The following COG6 variants were observed in gnomAD, a reference collection of about 807,000 sequenced individuals.
COG6 encodes conserved oligomeric Golgi complex subunit 6.
COG6 carries 74 observed loss-of-function variants against 88.8 expected under a neutral mutation model. The ratio of observed to expected loss-of-function variants is 0.83; its 90% CI spans 0.69 to 1.01. The LOEUF is 1.01. Ranked by LOEUF, COG6 falls within the 50% of genes least tolerant of loss-of-function variation. COG6 has a pLI of 0.00. For synonymous variants in COG6, 286 were observed against 278.7 expected (o/e 1.03, Z -0.26); for missense variants, 800 against 797.9 (o/e 1.00, Z -0.03).
At chr13:39,689,654 G>A (rs1321831262) in intron 10 of COG6, 106 bp from the exon 11 acceptor site, 3 of 699,776 alleles carry the variant, frequency 4.3e-6, no homozygotes, top group South Asian at 1.8e-5. Context: ...AAAGTCATTA[G>A]TGCCATTAAT....
chr13:39,751,635 C>G lies in COG6; in HGVS notation c.*542C>G. The stretch of plus-strand genomic sequence containing the variant: ...AGAGAAAAATAACAGTGAATGTGCT[C>G]CTGGTGTATATGGCAGTGAATCTCC... On this transcript the variant is annotated 3_prime_UTR_variant, in exon 19 of 19. Coordinates refer to ENST00000455146, the MANE Select transcript of COG6 (RefSeq NM_020751.3). 7.8e-7 allele frequency: 1 copy of G among 1,286,924 alleles called. No individual in the cohort carries two copies. The highest frequency in any genetic ancestry group is 1.5e-5 in the African/African-American group (1 of 65,848). The allele number at this position is 1,286,924 out of a possible 1,614,324, so 79.7% of individuals were successfully genotyped here. A position where few individuals can be genotyped will look rare whatever the true frequency, so the allele number is the denominator to read the frequency against.
intron 7 of COG6, among the ~76,000 whole-genome samples, chr13:39,680,698 T>C (rs1398160368): frequency 6.6e-6 from 1 of 152,216 alleles, no homozygotes; most frequent in East Asian, 1.9e-4. Context: ...CTGAGGGTTT[T>C]TCCCAGTTTC....
At chr13:39,692,765 A>T (rs369697418) in intron 11 of COG6, among the ~76,000 whole-genome samples, 2 of 152,070 alleles carry the variant, frequency 1.3e-5, no homozygotes, top group African/African-American at 2.4e-5. Flanking sequence ...TCATTTTGCT[A>T]CTTTTAATAT....
chr13:39,699,571 AT>A lies in COG6; in HGVS notation c.1238del (p.Ile413AsnfsTer6), dbSNP rs2138033029. On this transcript the variant is annotated frameshift_variant, in exon 13 of 19. Coordinates refer to ENST00000455146, the MANE Select transcript of COG6 (RefSeq NM_020751.3). LOFTEE classifies it high-confidence loss of function. Reference sequence around the variant, plus strand: ...AGAAATGCATTTGCTAAGCAAAAAAATATTCTTCAATAGCTTGAGTCTTCAT... The same window carrying A: ...AGAAATGCATTTGCTAAGCAAAAAAAATTCTTCAATAGCTTGAGTCTTCAT... Reference protein sequence around the residue: ...IEEMHLLSKKIFFNSLSLHAS... With the variant: ...IEEMHLLSKKXFFNSLSLHAS... 1 of 1,581,306 alleles carries A rather than the reference AT, an allele frequency of 6.3e-7. No homozygotes were observed. The highest frequency in any genetic ancestry group is 2.2e-5 in the East Asian group (1 of 44,540).
chr13:39,698,702 G>T (rs920622102), intron 12 of COG6, among the ~76,000 whole-genome samples: 5 of 151,868 alleles, frequency 3.3e-5, no homozygotes, highest in African/African-American at 1.2e-4. Context: ...AGGCATGGAA[G>T]ATGTTGTTAT....
chr13:39,744,825 G>A (rs1880251105), intron 18 of COG6, among the ~76,000 whole-genome samples: 1 of 152,148 alleles, frequency 6.6e-6, no homozygotes, highest in African/African-American at 2.4e-5. Context: ...CAAAGCTGGA[G>A]GCATCACGCT....
At chr13:39,760,436 C>T (rs1880976028) in intron 18 of COG6, among the ~76,000 whole-genome samples, 1 of 152,050 alleles carries the variant, frequency 6.6e-6, no homozygotes, top group South Asian at 2.1e-4. Flanking sequence ...AAGATATAAG[C>T]AAGCCAAGCA....
At chr13:39,775,327 C>T (rs887988605) in intron 18 of COG6, among the ~76,000 whole-genome samples, 8 of 152,086 alleles carry the variant, frequency 5.3e-5, no homozygotes, top group African/African-American at 1.9e-4. Context: ...AATCAGCATT[C>T]ACTGGATGTT....
intron 13 of COG6, among the ~76,000 whole-genome samples, chr13:39,705,505 G>A (rs1877842788): frequency 6.6e-6 from 1 of 152,010 alleles, no homozygotes; most frequent in Non-Finnish European, 1.5e-5. Flanking sequence ...ACACAATGTT[G>A]TGTCAATTTA....
chr13:39,718,614 A>T (rs944740661), intron 13 of COG6, among the ~76,000 whole-genome samples: 6 of 152,116 alleles, frequency 3.9e-5, no homozygotes, highest in Non-Finnish European at 7.4e-5. Context: ...CTTGCTGAAG[A>T]TTACACAACT....
intron 18 of COG6, among the ~76,000 whole-genome samples, chr13:39,745,735 A>G (rs570753789): frequency 5.1e-4 from 77 of 152,334 alleles, no homozygotes; most frequent in African/African-American, 1.8e-3. Context: ...ATTACTGGGT[A>G]TATACCCAAA....
At chr13:39,730,068 G>A (rs546783813) in intron 18 of COG6, among the ~76,000 whole-genome samples, 2 of 152,028 alleles carry the variant, frequency 1.3e-5, no homozygotes, top group East Asian at 1.9e-4. Context: ...GTTGTCTAAC[G>A]GTAACAATGT....
intron 8 of COG6, among the ~76,000 whole-genome samples, chr13:39,683,916 C>G (rs1035332977): frequency 1.3e-5 from 2 of 152,084 alleles, no homozygotes; most frequent in Non-Finnish European, 2.9e-5. Flanking sequence ...TTTGAGAAGT[C>G]CGTGTACCTT....
intron 18 of COG6, among the ~76,000 whole-genome samples, chr13:39,729,751 C>A (rs2138097844): frequency 6.6e-6 from 1 of 152,316 alleles, no homozygotes; most frequent in African/African-American, 2.4e-5. Flanking sequence ...GGCATTTTCA[C>A]ACTTTTTTGA....
rs1304255072 is a variant in COG6, at chr13:39,674,907, A to G, written c.429-2561A>G. On this transcript the variant is annotated intron_variant, in intron 4 of 18. Coordinates refer to ENST00000455146, the MANE Select transcript of COG6 (RefSeq NM_020751.3). ...GGCATCCACTGGAGGGTCTTGGACTATATCCCCCGAGGATAAGGGGGGACC... is the reference window on the plus strand; with the variant it reads ...GGCATCCACTGGAGGGTCTTGGACTGTATCCCCCGAGGATAAGGGGGGACC... Among the ~76,000 whole-genome samples, 22 of 152,246 alleles carry G rather than the reference A, an allele frequency of 1.4e-4. No homozygotes were observed. The East Asian group carries it at 3.9e-3, about 27-fold the overall frequency.
chr13:39,658,055 TCTTGTCA>T (rs1397998639), intron 1 of COG6, among the ~76,000 whole-genome samples: 7 of 136,460 alleles, frequency 5.1e-5, no homozygotes, highest in African/African-American at 2.8e-5. Flanking sequence ...AATTTTGGAT[TCTTGTCA>T]CTTTTTTTTT....
chr13:39,659,447 T>C lies in COG6; in HGVS notation c.237T>C (p.Ile79=), dbSNP rs765213953. The part of the protein sequence containing the change: ...LRTRRNLRGD[I]ERKSLAINEE... ...CTCGAAGAAATTTACGTGGAGATATTGAACGTAAAAGTTTAGCCATCAATG... is the reference window on the plus strand; with the variant it reads ...CTCGAAGAAATTTACGTGGAGATATCGAACGTAAAAGTTTAGCCATCAATG... Residue 79 remains isoleucine, a synonymous_variant, in exon 2 of 19, where the codon ATT becomes ATC. Coordinates refer to ENST00000455146, the MANE Select transcript of COG6 (RefSeq NM_020751.3). The C allele has an allele frequency of 1.9e-6, 3 of 1,613,532 alleles. No individual in the cohort carries two copies. In the African/African-American group the frequency reaches 4.0e-5, roughly 22 times the overall value.
At chr13:39,754,241 G>T (rs543120507), downstream of COG6, among the ~76,000 whole-genome samples, 1 of 152,036 alleles carries the variant, frequency 6.6e-6, no homozygotes, top group African/African-American at 2.4e-5. Flanking sequence ...TTCCTTTAGG[G>T]ATTTGTTACT....
At chr13:39,713,949 C>G (rs1420858851) in intron 13 of COG6, among the ~76,000 whole-genome samples, 1 of 152,060 alleles carries the variant, frequency 6.6e-6, no homozygotes, top group Admixed American at 6.6e-5. Context: ...TGGTTCTTAC[C>G]TTGTTGCCGA....
Sources: gnomAD v4.1 joint callset for allele counts (sites outside exome capture counted in the v4.1 genomes callset) on GRCh38, gnomAD v4.1.1 for gene constraint, MANE v1.5 for transcripts, NCBI Gene and HGNC (gene_info 2026-07-23, HGNC 2026-07-21) for gene names.